The following CSMD1 variants were observed in gnomAD, a reference collection of about 807,000 sequenced individuals.
CSMD1 encodes CUB and sushi domain-containing protein 1.
A neutral mutation model predicts 417.5 loss-of-function variants in CSMD1; 213 were observed. The observed-to-expected ratio is 0.51, with a 90% CI of 0.46 to 0.57. The LOEUF is 0.57. CSMD1 is among the 20% of genes least tolerant of loss of function. The pLI is 0.00. For synonymous variants in CSMD1, 2,862 were observed against 1,736.8 expected, an observed-to-expected ratio of 1.65 and a Z score of -16.11; for missense variants, 6,923 against 4,529.7, an observed-to-expected ratio of 1.53 and a Z score of -15.17.
chr8:4,400,539 C>T (rs1479550855), intron 3 of CSMD1, among the ~76,000 whole-genome samples: 6 of 152,314 alleles, frequency 3.9e-5, no homozygotes, highest in African/African-American at 1.4e-4. Flanking sequence ...CTATGCCTTT[C>T]GTGCAAGGCA....
chr8:4,423,824 T>G (rs980727242), intron 2 of CSMD1, among the ~76,000 whole-genome samples: 1 of 152,082 alleles, frequency 6.6e-6, no homozygotes, highest in African/African-American at 2.4e-5. Context: ...ATTTTATATC[T>G]ACAACGGTTA....
chr8:3,881,602 C>G (rs1303856048), intron 5 of CSMD1, among the ~76,000 whole-genome samples: 11 of 130,582 alleles, frequency 8.4e-5, no homozygotes, highest in Non-Finnish European at 1.4e-4. Context: ...GAGCAAGACT[C>G]CATCTCAAAA....
chr8:4,474,309 GA>G (rs905226871), intron 2 of CSMD1, among the ~76,000 whole-genome samples: 4 of 151,980 alleles, frequency 2.6e-5, no homozygotes, highest in Non-Finnish European at 5.9e-5. Context: ...GTTCCAAATA[GA>G]AAAAAAACAT....
intron 3 of CSMD1, among the ~76,000 whole-genome samples, chr8:4,415,782 T>A (rs1383401793): frequency 2.0e-5 from 3 of 152,218 alleles, no homozygotes; most frequent in East Asian, 3.8e-4. Context: ...TAGCAATGTG[T>A]ATGAGCACAC....
intron 1 of CSMD1, among the ~76,000 whole-genome samples, chr8:4,834,738 C>T (rs1214615364): frequency 2.0e-5 from 3 of 151,788 alleles, no homozygotes; most frequent in East Asian, 1.9e-4. Context: ...GGGCGGATCA[C>T]GACATCAGGA....
intron 2 of CSMD1, among the ~76,000 whole-genome samples, chr8:4,471,924 A>G (rs1437410242): frequency 6.6e-6 from 1 of 152,156 alleles, no homozygotes; most frequent in Middle Eastern, 3.2e-3. Flanking sequence ...TTAGGAAATA[A>G]CAGGGACTTT....
intron 5 of CSMD1, among the ~76,000 whole-genome samples, chr8:3,885,110 A>G (rs1266825160): frequency 1.3e-5 from 2 of 152,004 alleles, no homozygotes; most frequent in African/African-American, 4.8e-5. Context: ...TATCAGATAC[A>G]TTTGTCGAAA....
In CSMD1 at chr8:3,087,098, C is replaced by G. The variant is rs1465806111; in HGVS notation, c.7473G>C (p.Gln2491His). 2.5e-6 allele frequency: 4 copies of G among 1,612,774 alleles called. No homozygotes were observed. In the South Asian group the frequency reaches 3.3e-5, roughly 13 times the overall value. ...YQWDSLTPLC[Q>H]AVSCGIPESP... ...TGGGGATGAAAACGCATTTCTTACC[C>G]TGGCAGAGTGGCGTGAGGGAGTCCC... The change falls in exon 49 of 70, where the codon CAG becomes CAC. Residue 2491 changes from glutamine (Q) to histidine (H), a missense_variant and splice_region_variant. Transcript: ENST00000635120.
intron 6 of CSMD1, among the ~76,000 whole-genome samples, chr8:3,749,762 A>G (rs1797238379): frequency 6.6e-6 from 1 of 151,940 alleles, no homozygotes; most frequent in Non-Finnish European, 1.5e-5. Context: ...ATTGTATGTG[A>G]GAGTCACCCA....
At chr8:4,571,536 T>C (rs13249167) in intron 2 of CSMD1, among the ~76,000 whole-genome samples, 60,916 of 152,006 alleles carry the variant, frequency 0.4, 12,977 homozygotes, top group East Asian at 0.53. Flanking sequence ...TTCCTTTACA[T>C]TTGCTGAGGA....
At chr8:4,076,084 G>A (rs1312070186) in intron 3 of CSMD1, among the ~76,000 whole-genome samples, 1 of 152,070 alleles carries the variant, frequency 6.6e-6, no homozygotes, top group Non-Finnish European at 1.5e-5. Flanking sequence ...ATCTCATCTT[G>A]AATTGCAGTT....
At chr8:4,670,082 C>T (rs1805200038) in intron 1 of CSMD1, among the ~76,000 whole-genome samples, 1 of 152,100 alleles carries the variant, frequency 6.6e-6, no homozygotes, top group African/African-American at 2.4e-5. Context: ...GTTTGGTGCC[C>T]CCACGTCCAC....
intron 3 of CSMD1, among the ~76,000 whole-genome samples, chr8:4,201,540 C>CAAAAAAAAAAAAAAAAAAAAAAAAAA (rs1157479482): frequency 3.4e-5 from 2 of 59,030 alleles, no homozygotes; most frequent in African/African-American, 1.4e-4. Context: ...TCTGTCTCCA[C>CAAAAAAAAAAAAAAAAAAAAAAAAAA]AAAAAAAAAA....
intron 3 of CSMD1, among the ~76,000 whole-genome samples, chr8:4,378,269 G>C (rs1802881095): frequency 6.6e-6 from 1 of 152,138 alleles, no homozygotes; most frequent in African/African-American, 2.4e-5. Flanking sequence ...TCAATACATT[G>C]TCCCTGTTAT....
At chr8:3,481,844 T>A (rs1817766905) in intron 11 of CSMD1, among the ~76,000 whole-genome samples, 2 of 152,218 alleles carry the variant, frequency 1.3e-5, no homozygotes, top group South Asian at 4.1e-4. Flanking sequence ...GCCCACATGT[T>A]GATGCTGGCC....
At chr8:4,818,957 A>C (rs762952708) in intron 1 of CSMD1, among the ~76,000 whole-genome samples, 1 of 152,202 alleles carries the variant, frequency 6.6e-6, no homozygotes, top group Non-Finnish European at 1.5e-5. Context: ...ATTTATATTA[A>C]AACTGTGACT....
intron 3 of CSMD1, among the ~76,000 whole-genome samples, chr8:4,131,500 G>C (rs1184245324): frequency 6.6e-6 from 1 of 151,980 alleles, no homozygotes; most frequent in African/African-American, 2.4e-5. Context: ...TTTCCCCTTG[G>C]ATATTCACTA....
intron 1 of CSMD1, among the ~76,000 whole-genome samples, chr8:4,884,845 G>C (rs1438683553): frequency 2.0e-5 from 3 of 151,988 alleles, no homozygotes; most frequent in Admixed American, 2.0e-4. Flanking sequence ...TGGGTATTTG[G>C]GGTTCTCTTG....
At chr8:4,921,218 C>T (rs77500368) in intron 1 of CSMD1, among the ~76,000 whole-genome samples, 3,797 of 152,206 alleles carry the variant, frequency 0.025, 163 homozygotes, top group African/African-American at 0.087. Context: ...CTCCCTCTCA[C>T]GTTCCATTCA....
Sources: gnomAD v4.1 joint callset for allele counts (sites outside exome capture counted in the v4.1 genomes callset) on GRCh38, gnomAD v4.1.1 for gene constraint, MANE v1.5 for transcripts, NCBI Gene and HGNC (gene_info 2026-07-23, HGNC 2026-07-21) for gene names.